The following MYLK2 variants were observed in gnomAD, a reference collection of about 807,000 sequenced individuals.
MYLK2 encodes myosin light chain kinase 2, also known as myosin light chain kinase 2, skeletal/cardiac muscle.
MYLK2 carries 27 observed loss-of-function variants against 58.2 expected under a neutral mutation model. That is an observed-to-expected ratio of 0.46 (90% CI 0.34 to 0.64). MYLK2 has a LOEUF of 0.64. Among genes scored for constraint, MYLK2 ranks in the 30% least tolerant of loss-of-function variants. The pLI is 0.01. For synonymous variants in MYLK2, 310 were observed against 296.7 expected (o/e 1.04, Z -0.46); for missense variants, 676 against 764.3 (o/e 0.88, Z 1.36).
chr20:31,832,474 T>C (rs891329085), intron 12 of MYLK2, among the ~76,000 whole-genome samples: 1 of 152,202 alleles, frequency 6.6e-6, no homozygotes, highest in African/African-American at 2.4e-5. Context: ...TTACTTTTGG[T>C]GAGAGATGGG....
chr20:31,820,262 T>C lies in MYLK2; in HGVS notation c.189T>C (p.Asp63=), dbSNP rs1266323436. The change falls in exon 3 of 13, where the codon GAT becomes GAC. Residue 63 remains aspartate (D), a synonymous_variant. Transcript: ENST00000375985. ...AAGCCCCTGCCTCAGAGAAAGGGGA[T>C]GGTACCCTGGCCCAACCCTCAACTA... The part of the protein sequence containing the change: ...DAKAPASEKG[D]GTLAQPSTSS... 1 of 1,613,790 alleles carries C rather than the reference T, an allele frequency of 6.2e-7. No individual in the cohort carries two copies. The highest frequency in any genetic ancestry group is 2.2e-5 in the East Asian group (1 of 44,876).
chr20:31,822,844 A>G (rs1193745703), intron 4 of MYLK2, among the ~76,000 whole-genome samples: 2 of 151,620 alleles, frequency 1.3e-5, no homozygotes, highest in African/African-American at 4.9e-5. Context: ...GATCTGAACC[A>G]CCTCCAAAGG....
At chr20:31,819,663 G>A (rs1438414658) in intron 2 of MYLK2, 31 bp downstream of exon 2, 1 of 1,551,258 alleles carries the variant, frequency 6.4e-7, no homozygotes, top group Non-Finnish European at 8.7e-7. Flanking sequence ...ATGGAGGGAG[G>A]AGCTTGGGAA....
intron 12 of MYLK2, among the ~76,000 whole-genome samples, chr20:31,833,071 T>C (rs2062314562): frequency 1.3e-5 from 2 of 152,030 alleles, no homozygotes; most frequent in African/African-American, 4.8e-5. Flanking sequence ...AAAATATTTT[T>C]GTGGAGATGA....
rs1410383478 is a variant in MYLK2, at chr20:31,820,115, C to T, written c.53-11C>T. ...GGGTGGATCCTGATGGGTGTCTCAC[C>T]TCCTCTGCAGACAAGGCACCTAAAG... is the stretch of plus-strand genomic sequence containing the variant. On this transcript the variant is annotated splice_polypyrimidine_tract_variant and intron_variant, in intron 2 of 12. Coordinates refer to ENST00000375985, the MANE Select transcript of MYLK2 (RefSeq NM_033118.4). The T allele has an allele frequency of 4.3e-6, 7 of 1,613,404 alleles. No individual in the cohort carries two copies. In the African/African-American group the frequency reaches 8.0e-5, roughly 18 times the overall value.
intron 12 of MYLK2, among the ~76,000 whole-genome samples, chr20:31,832,533 C>T (rs1313795092): frequency 6.6e-6 from 1 of 152,154 alleles, no homozygotes; most frequent in Non-Finnish European, 1.5e-5. Context: ...TGCTCTGTCA[C>T]CCAGGCTGGG....
In MYLK2 at chr20:31,824,037, G is replaced by A. The variant is rs6060974; in HGVS notation, c.879-222G>A. The A allele has an allele frequency of 5.7e-5, 56 of 985,444 alleles. 1 individual carries two copies. Among genetic ancestry groups the A allele is most frequent in the African/African-American group, 5.2e-4 (30 of 57,368 alleles). The allele number at this position is 985,444 out of a possible 1,614,324, so 61.0% of individuals were successfully genotyped here. A position where few individuals can be genotyped will look rare whatever the true frequency, so the allele number is the denominator to read the frequency against. Reference sequence around the variant, plus strand: ...CTACACGCCTGCTCTTCCTGTGCACGTGGTCTGTGTGGTTCAAAGAACCTG... The same window carrying A: ...CTACACGCCTGCTCTTCCTGTGCACATGGTCTGTGTGGTTCAAAGAACCTG... On this transcript the variant is annotated intron_variant, in intron 5 of 12. Transcript: ENST00000375985.
At chr20:31,832,186 T>C (rs778478399) in intron 12 of MYLK2, 50 bp downstream of exon 12, 1 of 1,585,370 alleles carries the variant, frequency 6.3e-7, no homozygotes, top group Admixed American at 1.8e-5. Flanking sequence ...TGGGAAGAGC[T>C]CCTGGTGCCA....
intron 8 of MYLK2, chr20:31,828,425 A>G (rs758548366): frequency 5.5e-5 from 54 of 985,246 alleles, no homozygotes; most frequent in Non-Finnish European, 6.1e-5. Flanking sequence ...CCATAAGCAT[A>G]TGCTGGGTAC....
intron 2 of MYLK2, 147 bp from the exon 3 acceptor site, chr20:31,819,979 T>A (rs1475501378): frequency 1.9e-6 from 2 of 1,050,050 alleles, no homozygotes; most frequent in African/African-American, 1.6e-5. Flanking sequence ...CTAGGGGCCA[T>A]CAAGTGGCCC....
intron 12 of MYLK2, 107 bp from the exon 13 acceptor site, chr20:31,833,610 A>G (rs2062317599): frequency 9.8e-7 from 1 of 1,018,312 alleles, no homozygotes; most frequent in African/African-American, 1.6e-5. Flanking sequence ...CACCTTCTCT[A>G]GCCTGTGACC....
rs2062241231 is a variant in MYLK2 at position 31,819,595 on chromosome 20, T to G, written c.15T>G (p.Asn5Lys). ...CTCCCTACCTCATGGCGACAGAAAA[T>G]GGAGCAGTTGAGCTGGGAATTCAGA... The part of the protein sequence containing the change: MATE[N>K]GAVELGIQNP... Residue 5 changes from asparagine to lysine, a missense_variant, in exon 2 of 13, where the codon AAT becomes AAG. Coordinates refer to ENST00000375985, the MANE Select transcript of MYLK2 (RefSeq NM_033118.4). 2.6e-6 allele frequency: 4 copies of G among 1,551,350 alleles called. No individual in the cohort carries two copies. The highest frequency in any genetic ancestry group is 3.5e-6 in the Non-Finnish European group (4 of 1,146,962).
chr20:31,828,873 G>A (rs902064430), intron 8 of MYLK2, among the ~76,000 whole-genome samples: 1 of 152,206 alleles, frequency 6.6e-6, no homozygotes, highest in African/African-American at 2.4e-5. Context: ...GGAATTTAGA[G>A]GCTGATGGAG....
Position 31,833,798 on chromosome 20 carries a change from GC to G in MYLK2, c.*4del. 1 of 1,612,096 alleles carries G rather than the reference GC, an allele frequency of 6.2e-7. No homozygotes were observed. On this transcript the variant is annotated 3_prime_UTR_variant, in exon 13 of 13. Coordinates refer to ENST00000375985, the MANE Select transcript of MYLK2 (RefSeq NM_033118.4). ...GGCACTGATGGCTCTGGGGGTCTGA[GC>G]CCTGGGCGCAGCTGAAGCCTGGACG...
rs1568626030 is a variant in MYLK2, at chr20:31,819,577, C to A, written c.-4C>A. On this transcript the variant is annotated 5_prime_UTR_variant, in exon 2 of 13. Transcript: ENST00000375985. ...ACAAGCAGCAGCACACGCCTCCCTA[C>A]CTCATGGCGACAGAAAATGGAGCAG... is the stretch of plus-strand genomic sequence containing the variant. 1.3e-6 allele frequency: 2 copies of A among 1,551,596 alleles called. No individual in the cohort carries two copies. The highest frequency in any genetic ancestry group is 8.7e-7 in the Non-Finnish European group (1 of 1,147,018).
chr20:31,820,048 G>A, intron 2 of MYLK2, 78 bp from the exon 3 acceptor site: 1 of 1,583,526 alleles, frequency 6.3e-7, no homozygotes. Context: ...CCTGGGCCCA[G>A]AGCTGGTCTC....
intron 3 of MYLK2, among the ~76,000 whole-genome samples, 188 bp downstream of exon 3, chr20:31,820,734 C>T (rs2062248747): frequency 6.6e-6 from 1 of 152,156 alleles, no homozygotes; most frequent in African/African-American, 2.4e-5. Context: ...CAGAACCCTG[C>T]CACAATTCAT....
At chr20:31,825,208 G>T (rs2062272887) in intron 6 of MYLK2, among the ~76,000 whole-genome samples, 2 of 152,204 alleles carry the variant, frequency 1.3e-5, no homozygotes, top group Non-Finnish European at 2.9e-5. Flanking sequence ...CCCCATTATG[G>T]CTCTAAGCAC....
At position 31,821,600 on chromosome 20, in the gene MYLK2, C is replaced by T. The variant is rs1364246299; in HGVS notation, c.635C>T (p.Pro212Leu). The T allele has an allele frequency of 6.2e-7, 1 of 1,614,000 alleles. No homozygotes were observed. Among genetic ancestry groups the T allele is most frequent in the Non-Finnish European group, 8.5e-7 (1 of 1,180,058 alleles). Residue 212 changes from proline to leucine, a missense_variant, in exon 4 of 13, where the codon CCA (proline) becomes CTA (leucine). By Grantham distance (98) the Pro-to-Leu change is moderately conservative. Coordinates refer to ENST00000375985, the MANE Select transcript of MYLK2 (RefSeq NM_033118.4). ...ESQKEVGEKT[P>L]GQAGQAKMQG... ...CAGAAGGAAGTGGGAGAGAAAACCC[C>T]AGGCCAGGCTGGCCAGGCTAAGATG...
Sources: allele counts gnomAD v4.1 joint callset (sites outside exome capture counted in the v4.1 genomes callset), GRCh38; gene constraint gnomAD v4.1.1; transcripts MANE v1.5; gene names NCBI Gene and HGNC (gene_info 2026-07-23, HGNC 2026-07-21).